PTPN5: variants seen among roughly 807,000 people sequenced by gnomAD.
PTPN5 encodes protein tyrosine phosphatase non-receptor type 5, also known as tyrosine-protein phosphatase non-receptor type 5.
In PTPN5, 29 loss-of-function variants were observed where a neutral mutation model predicts 73.9. That is an observed-to-expected ratio of 0.39 (90% CI 0.29 to 0.54). PTPN5 has a LOEUF of 0.54. Among genes scored for constraint, PTPN5 ranks in the 20% least tolerant of loss-of-function variants. PTPN5 has a pLI of 0.65. For missense variants in PTPN5, 652 were observed against 751.4 expected (o/e 0.87, Z 1.55); for synonymous variants, 267 against 304.7 (o/e 0.88, Z 1.29).
At position 18,733,367 on chromosome 11, in the gene PTPN5, A is replaced by G; in HGVS notation, c.1086T>C (p.Tyr362=). ...SYINANYIRG[Y]GGEEKVYIAT... The stretch of plus-strand genomic sequence containing the variant: ...CGATGTACACCTTCTCCTCCCCACC[A>G]TAGCCCTGCGGCCAGCCAAGTCCAG... Residue 362 remains tyrosine, a synonymous_variant, in exon 11 of 15, where the codon TAT becomes TAC. Transcript: ENST00000358540. The surrounding 1 kb of genome is among the most constrained non-coding windows in gnomAD (Gnocchi z 4.3). 1 of 1,613,510 alleles carries G rather than the reference A, an allele frequency of 6.2e-7. No individual in the cohort carries two copies. Among genetic ancestry groups the G allele is most frequent in the South Asian group, 1.1e-5 (1 of 91,076 alleles).
chr11:18,790,666 C>T (rs1208391756), intron 1 of PTPN5, among the ~76,000 whole-genome samples: 1 of 152,030 alleles, frequency 6.6e-6, no homozygotes. Context: ...TGGGGCAGGG[C>T]TGGAATTACA....
At chr11:18,784,591 G>A (rs1162581081) in intron 1 of PTPN5, among the ~76,000 whole-genome samples, 1 of 152,152 alleles carries the variant, frequency 6.6e-6, no homozygotes, top group Non-Finnish European at 1.5e-5. Context: ...GTATAACACT[G>A]TAAATATACT....
At chr11:18,758,111 G>A (rs755632921) in intron 3 of PTPN5, among the ~76,000 whole-genome samples, 2 of 152,224 alleles carry the variant, frequency 1.3e-5, no homozygotes, top group Non-Finnish European at 2.9e-5. Flanking sequence ...AGTGTTAGGA[G>A]GAATGTGAAA....
chr11:18,743,553 C>A, intron 4 of PTPN5, 124 bp from the exon 5 acceptor site: 1 of 871,516 alleles, frequency 1.1e-6, no homozygotes, highest in South Asian at 1.5e-5. Context: ...AAGGTCCAGA[C>A]CGGGCAGCTG....
intron 3 of PTPN5, among the ~76,000 whole-genome samples, chr11:18,753,885 C>T (rs997058134): frequency 3.9e-5 from 6 of 152,100 alleles, no homozygotes; most frequent in African/African-American, 1.4e-4. Flanking sequence ...AACTCAGAAA[C>T]ACAGTGTTGA....
intron 3 of PTPN5, among the ~76,000 whole-genome samples, chr11:18,754,820 C>T (rs928984604): frequency 3.9e-5 from 6 of 152,142 alleles, no homozygotes; most frequent in Non-Finnish European, 8.8e-5. Flanking sequence ...CCTCGTGCAT[C>T]GTTTTGTACG....
intron 1 of PTPN5, among the ~76,000 whole-genome samples, chr11:18,782,872 G>T (rs961581218): frequency 1.3e-5 from 2 of 152,166 alleles, no homozygotes; most frequent in African/African-American, 4.8e-5. Flanking sequence ...TTACATCAAA[G>T]AACTCTCCCA....
chr11:18,757,520 G>A (rs1850209993), intron 3 of PTPN5, among the ~76,000 whole-genome samples: 1 of 152,198 alleles, frequency 6.6e-6, no homozygotes, highest in South Asian at 2.1e-4. Context: ...CTGGTCAAAT[G>A]CTCCTCAGCC....
At chr11:18,791,489 C>A (rs914002133) in intron 1 of PTPN5, 36 bp downstream of exon 1, 1 of 152,086 alleles carries the variant, frequency 6.6e-6, no homozygotes, top group Non-Finnish European at 1.5e-5. Flanking sequence ...CTTCCGGCTC[C>A]GCACACAAAG....
intron 9 of PTPN5, among the ~76,000 whole-genome samples, chr11:18,736,947 C>T (rs1319923658): frequency 2.6e-5 from 4 of 152,142 alleles, no homozygotes; most frequent in East Asian, 1.9e-4. Context: ...TTTGTTTAAC[C>T]GGAACTACCT....
chr11:18,761,241 G>C (rs906776627), intron 3 of PTPN5, among the ~76,000 whole-genome samples: 1 of 152,210 alleles, frequency 6.6e-6, no homozygotes, highest in African/African-American at 2.4e-5. Flanking sequence ...CCATGTGCTG[G>C]CCCCCACTGG....
Position 18,728,750 on chromosome 11 carries a change from C to T in PTPN5, c.*184G>A, listed in dbSNP as rs1848735371. ...CCCTTCCCGACCCTGCCCCCCACTCCCCAATATGTACAGTAGGAAGAGCAA... is the reference window on the plus strand; with the variant it reads ...CCCTTCCCGACCCTGCCCCCCACTCTCCAATATGTACAGTAGGAAGAGCAA... On this transcript the variant is annotated 3_prime_UTR_variant, in exon 15 of 15. Coordinates refer to ENST00000358540, the MANE Select transcript of PTPN5 (RefSeq NM_006906.2). The surrounding 1 kb of genome is among the most constrained non-coding windows in gnomAD (Gnocchi z 4.1). 1 of 575,230 alleles carries T rather than the reference C, an allele frequency of 1.7e-6. No homozygotes were observed. Among genetic ancestry groups the T allele is most frequent in the African/African-American group, 1.9e-5 (1 of 51,846 alleles). The allele number at this position is 575,230 out of a possible 1,614,324, so 35.6% of individuals were successfully genotyped here.
At chr11:18,777,925 A>G (rs1036961346) in intron 1 of PTPN5, among the ~76,000 whole-genome samples, 1 of 151,870 alleles carries the variant, frequency 6.6e-6, no homozygotes, top group Non-Finnish European at 1.5e-5. Flanking sequence ...AGCCCAGCTT[A>G]CAGGGCGAGA....
intron 3 of PTPN5, among the ~76,000 whole-genome samples, chr11:18,765,345 A>G (rs1850594944): frequency 6.6e-6 from 1 of 152,050 alleles, no homozygotes; most frequent in Non-Finnish European, 1.5e-5. Context: ...AACTGTGGTC[A>G]ACTGGACTCA....
chr11:18,741,308 G>T (rs2134218541), intron 7 of PTPN5, among the ~76,000 whole-genome samples: 1 of 152,312 alleles, frequency 6.6e-6, no homozygotes, highest in Middle Eastern at 3.4e-3. Flanking sequence ...CTGTCAGGAA[G>T]GAGGGAGTCC....
In PTPN5 at chr11:18,778,886, C is replaced by T. The variant is rs373826438; in HGVS notation, c.-113-6815G>A. Among the ~76,000 whole-genome samples the T allele has an allele frequency of 3.3e-5, 5 of 152,268 alleles. 2 individuals are homozygous for T. The highest frequency in any genetic ancestry group is 1.2e-4 in the African/African-American group (5 of 41,556). The stretch of plus-strand genomic sequence containing the variant: ...TAGCCTGTGTTGGTTACACACCCAC[C>T]CTGATCACACATTATTTCATGCCTC... On this transcript the variant is annotated intron_variant, in intron 1 of 14. Transcript: ENST00000358540.
intron 5 of PTPN5, 117 bp from the exon 6 acceptor site, chr11:18,743,192 G>T: frequency 8.2e-7 from 1 of 1,217,894 alleles, no homozygotes; most frequent in Non-Finnish European, 1.2e-6. Context: ...ATGGGGAGCA[G>T]GCAGAAGAAC....
intron 1 of PTPN5, among the ~76,000 whole-genome samples, chr11:18,778,241 G>A (rs931291388): frequency 1.3e-5 from 2 of 152,156 alleles, no homozygotes; most frequent in East Asian, 1.9e-4. Context: ...GCTCTTAGAC[G>A]AGCACATGGC....
chr11:18,779,156 A>G (rs2134347456), intron 1 of PTPN5, among the ~76,000 whole-genome samples: 1 of 152,250 alleles, frequency 6.6e-6, no homozygotes. Context: ...TGTGAGCTCC[A>G]GCTTCTCATC....
Sources: gnomAD v4.1 joint callset for allele counts (sites outside exome capture counted in the v4.1 genomes callset) on GRCh38, gnomAD v4.1.1 for gene constraint, Gnocchi (gnomAD v3.1) non-coding constraint, MANE v1.5 for transcripts, NCBI Gene and HGNC (gene_info 2026-07-23, HGNC 2026-07-21) for gene names.